The following ADAMTSL1 variants were observed in gnomAD, a reference collection of about 807,000 sequenced individuals.
The protein encoded by ADAMTSL1 is ADAMTS like 1, also known as ADAMTS-like protein 1.
ADAMTSL1 carries 126 observed loss-of-function variants against 201.8 expected under a neutral mutation model. The ratio of observed to expected loss-of-function variants is 0.62; its 90% CI spans 0.54 to 0.72. ADAMTSL1 has a LOEUF of 0.72. Ranked by LOEUF, ADAMTSL1 falls within the 30% of genes least tolerant of loss-of-function variation. The pLI is 0.00. For missense variants in ADAMTSL1, 2,679 were observed against 2,277.8 expected (o/e 1.18, Z -3.59); for synonymous variants, 1,121 against 903.4 (o/e 1.24, Z -4.32).
chr9:18,715,928 C>G (rs1359135369), intron 14 of ADAMTSL1, among the ~76,000 whole-genome samples: 4 of 151,466 alleles, frequency 2.6e-5, no homozygotes, highest in Admixed American at 2.0e-4. Flanking sequence ...TCAGAAATAA[C>G]GCCGCATATC....
intron 14 of ADAMTSL1, among the ~76,000 whole-genome samples, chr9:18,709,388 G>T (rs1021226165): frequency 6.6e-6 from 1 of 152,154 alleles, no homozygotes; most frequent in African/African-American, 2.4e-5. Flanking sequence ...CCAAAAATCT[G>T]CAGGATTAAC....
At position 18,681,115 on chromosome 9, in the gene ADAMTSL1, G is replaced by A. The variant is rs187771490; in HGVS notation, c.1341+599G>A. The A allele has an allele frequency of 3.3e-5, 5 of 152,708 alleles. No homozygotes were observed. In the East Asian group the frequency reaches 9.6e-4, roughly 29 times the overall value. 9.5% of individuals were successfully genotyped at this position (152,708 alleles called of 1,614,324 possible). A position where few individuals can be genotyped will look rare whatever the true frequency, so the allele number is the denominator to read the frequency against. On this transcript the variant is annotated intron_variant, in intron 11 of 28. Transcript: ENST00000380548. ...TAATGCAGAAAGGAAAATCGTAAAGGAAACAGAAAGATGAAATAAGCCATT... is the reference window on the plus strand; with the variant it reads ...TAATGCAGAAAGGAAAATCGTAAAGAAAACAGAAAGATGAAATAAGCCATT...
At position 18,133,751 on chromosome 9, in the gene ADAMTSL1, TATGTATATATTTACACACACGGA is replaced by T. The variant is rs1826044384; in HGVS notation, c.88-30109_88-30087del. Among the ~76,000 whole-genome samples, 4 of 152,284 alleles carry T rather than the reference TATGTATATATTTACACACACGGA, an allele frequency of 2.6e-5. No individual in the cohort carries two copies. The South Asian group carries it at 8.3e-4, about 32-fold the overall frequency. On this transcript the variant is annotated intron_variant, in intron 1 of 29. Transcript: ENST00000680146. ...GATCAGAATCCCCTGTGCTTGTGTG[TATGTATATATTTACACACACGGA>T]AATCATTATGGTATTGGGGTAGGTA...
At chr9:18,055,464 C>G (rs1822139732) in intron 1 of ADAMTSL1, among the ~76,000 whole-genome samples, 1 of 152,202 alleles carries the variant, frequency 6.6e-6, no homozygotes, top group South Asian at 2.1e-4. Context: ...ACTATAAAGG[C>G]TATTCTAAAA....
intron 2 of ADAMTSL1, among the ~76,000 whole-genome samples, chr9:18,410,673 A>G (rs1818399569): frequency 6.6e-6 from 1 of 152,174 alleles, no homozygotes; most frequent in African/African-American, 2.4e-5. Context: ...ATAGTGCTAC[A>G]ATGAACAAAC....
chr9:18,593,421 C>G (rs914853511), intron 4 of ADAMTSL1, among the ~76,000 whole-genome samples: 2 of 152,008 alleles, frequency 1.3e-5, no homozygotes, highest in African/African-American at 4.8e-5. Flanking sequence ...CTGCTCTGAT[C>G]TTTATTTTTT....
chr9:18,504,769 A>G, intron 1 of ADAMTSL1, 60 bp from the exon 2 acceptor site: 1 of 1,613,562 alleles, frequency 6.2e-7, no homozygotes, highest in Non-Finnish European at 8.5e-7. Context: ...CACATTTTAG[A>G]ACACATGTTT....
chr9:18,240,125 T>C (rs1026804362), intron 2 of ADAMTSL1, among the ~76,000 whole-genome samples: 1 of 152,186 alleles, frequency 6.6e-6, no homozygotes, highest in Non-Finnish European at 1.5e-5. Flanking sequence ...TGTACCCAGA[T>C]CCATTGAGAA....
At chr9:18,253,611 T>C (rs1270922345) in intron 2 of ADAMTSL1, among the ~76,000 whole-genome samples, 1 of 152,220 alleles carries the variant, frequency 6.6e-6, no homozygotes, top group Non-Finnish European at 1.5e-5. Flanking sequence ...CTCACTGCTC[T>C]GTGGGCAAAG....
intron 1 of ADAMTSL1, among the ~76,000 whole-genome samples, chr9:18,484,191 A>G (rs565315959): frequency 6.6e-6 from 1 of 152,308 alleles, no homozygotes; most frequent in South Asian, 2.1e-4. Flanking sequence ...GGTCCTAAAG[A>G]TGAGTCCTTC....
rs531692382 is a variant in ADAMTSL1, at chr9:18,201,254, G to T, written c.207+37273G>T. On this transcript the variant is annotated intron_variant, in intron 2 of 29. Transcript: ENST00000680146. ...GACTTTGTTAAGGAAATGTTTGCCT[G>T]TATCCATTTGGGAATCTCTTTGAGC... is the stretch of plus-strand genomic sequence containing the variant. Among the ~76,000 whole-genome samples the T allele has an allele frequency of 5.3e-5, 8 of 152,186 alleles. No individual in the cohort carries two copies. The South Asian group carries it at 1.7e-3, about 32-fold the overall frequency.
chr9:18,218,474 T>G (rs376075979), intron 2 of ADAMTSL1, among the ~76,000 whole-genome samples: 2 of 152,184 alleles, frequency 1.3e-5, no homozygotes, highest in South Asian at 2.1e-4. Context: ...GTTCAAACGT[T>G]ACCAAATGAT....
At chr9:18,449,784 A>G (rs1292768908) in intron 2 of ADAMTSL1, among the ~76,000 whole-genome samples, 2 of 152,226 alleles carry the variant, frequency 1.3e-5, no homozygotes, top group East Asian at 3.8e-4. Context: ...AGCTTTTTCA[A>G]CGTTATTAGT....
intron 1 of ADAMTSL1, among the ~76,000 whole-genome samples, chr9:17,931,837 A>T (rs573024731): frequency 1.3e-5 from 2 of 152,160 alleles, no homozygotes; most frequent in Admixed American, 1.3e-4. Context: ...CTAGACAATG[A>T]TGGAGCTCCC....
intron 2 of ADAMTSL1, among the ~76,000 whole-genome samples, chr9:18,314,619 T>C (rs1418270044): frequency 6.6e-6 from 1 of 151,480 alleles, no homozygotes; most frequent in Non-Finnish European, 1.5e-5. Flanking sequence ...GCTGGCCTCA[T>C]GAGTGAAGCT....
chr9:18,009,430 C>G (rs1819963567), intron 1 of ADAMTSL1, among the ~76,000 whole-genome samples: 1 of 152,014 alleles, frequency 6.6e-6, no homozygotes, highest in African/African-American at 2.4e-5. Context: ...GTGTAAGTCT[C>G]CTGTCTTATT....
chr9:18,116,546 C>T (rs550518664), intron 1 of ADAMTSL1, among the ~76,000 whole-genome samples: 1 of 152,212 alleles, frequency 6.6e-6, no homozygotes, highest in South Asian at 2.1e-4. Context: ...ATGAAATCTC[C>T]CTTTCTATCA....
At chr9:18,291,975 A>G (rs994929605) in intron 2 of ADAMTSL1, among the ~76,000 whole-genome samples, 4 of 152,108 alleles carry the variant, frequency 2.6e-5, no homozygotes, top group African/African-American at 7.2e-5. Context: ...CCATAAGGTA[A>G]TAAGAACTGA....
At chr9:18,486,804 T>G (rs1822019727) in intron 1 of ADAMTSL1, among the ~76,000 whole-genome samples, 2 of 152,184 alleles carry the variant, frequency 1.3e-5, no homozygotes, top group Non-Finnish European at 2.9e-5. Flanking sequence ...TTTTGTACCT[T>G]TGAGTGATTA....
Sources: allele counts gnomAD v4.1 joint callset (sites outside exome capture counted in the v4.1 genomes callset), GRCh38; gene constraint gnomAD v4.1.1; transcripts MANE v1.5; gene names NCBI Gene and HGNC (gene_info 2026-07-23, HGNC 2026-07-21).